The following TENT4B variants were observed in gnomAD, a reference collection of about 807,000 sequenced individuals.
The protein encoded by TENT4B is terminal nucleotidyltransferase 4B.
In TENT4B, 10 loss-of-function variants were observed where a neutral mutation model predicts 75.0. The ratio of observed to expected loss-of-function variants is 0.13; its 90% CI spans 0.08 to 0.23. The LOEUF (loss-of-function observed/expected upper bound fraction) is 0.23. TENT4B is among the 10% of genes least tolerant of loss of function. The pLI is 1.00. For synonymous variants in TENT4B, 350 were observed against 357.7 expected (o/e 0.98, Z 0.24); for missense variants, 579 against 893.8 (o/e 0.65, Z 4.49).
intron 1 of TENT4B, among the ~76,000 whole-genome samples, chr16:50,177,929 T>G (rs1392735916): frequency 6.6e-6 from 1 of 152,134 alleles, no homozygotes; most frequent in African/African-American, 2.4e-5. Flanking sequence ...TATTTTCATT[T>G]TCATTTAGTT....
At chr16:50,158,965 A>T (rs2150665817) in intron 1 of TENT4B, among the ~76,000 whole-genome samples, 1 of 152,294 alleles carries the variant, frequency 6.6e-6, no homozygotes, top group East Asian at 1.9e-4. Context: ...GTTTTTGGAA[A>T]TAAGGGCCAG....
At chr16:50,196,935 CAA>C (rs35266966) in intron 1 of TENT4B, among the ~76,000 whole-genome samples, 2 of 138,248 alleles carry the variant, frequency 1.4e-5, no homozygotes. Context: ...AACCCTGTCT[CAA>C]AAAAAAAAAA....
At chr16:50,180,837 AC>A (rs1689674478) in intron 1 of TENT4B, among the ~76,000 whole-genome samples, 1 of 152,122 alleles carries the variant, frequency 6.6e-6, no homozygotes, top group African/African-American at 2.4e-5. Context: ...GGTCTAAGGG[AC>A]CCCATTGCTG....
chr16:50,153,124 G>A (rs1215507942), upstream of TENT4B: 78 of 991,262 alleles, frequency 7.9e-5, no homozygotes, highest in Non-Finnish European at 9.0e-5. Flanking sequence ...GCACGGCGAG[G>A]CCTCCCGGGC....
In TENT4B at chr16:50,184,812, C is replaced by T. The variant is rs143249959; in HGVS notation, c.639-26511C>T. Among the ~76,000 whole-genome samples, 3 of 152,196 alleles carry T rather than the reference C, an allele frequency of 2.0e-5. No homozygotes were observed. The East Asian group carries it at 5.8e-4, about 29-fold the overall frequency. ...TGTAGTAGGCTTACTGCAGCCTCCT[C>T]CGCCCCCTGGTTCTAGTGATTCTTG... On this transcript the variant is annotated intron_variant, in intron 1 of 11. Coordinates refer to ENST00000561678, the MANE Select transcript of TENT4B (RefSeq NM_001365324.3).
In TENT4B at chr16:50,154,116, C is replaced by T. The variant is rs76347010; in HGVS notation, c.495C>T (p.Asn165=). Reference sequence around the variant, plus strand: ...GCAGCAACAAGAGGAAGCGCGACAACAAGGCCAGCACGTATGGACTCAACT... The same window carrying T: ...GCAGCAACAAGAGGAAGCGCGACAATAAGGCCAGCACGTATGGACTCAACT... ...SGSSNKRKRD[N]KASTYGLNYS... is the part of the protein sequence containing the mutation. Residue 165 remains asparagine, a synonymous_variant, in exon 1 of 12, where the codon AAC becomes AAT. Transcript: ENST00000561678. 4.6e-3 allele frequency: 7,050 copies of T among 1,529,402 alleles called. 339 individuals are homozygous for T. The East Asian group carries it at 0.12, about 27-fold the overall frequency. 94.7% of individuals were successfully genotyped at this position (1,529,402 alleles called of 1,614,324 possible).
chr16:50,164,744 A>G (rs1479337442), intron 1 of TENT4B, among the ~76,000 whole-genome samples: 3 of 152,100 alleles, frequency 2.0e-5, no homozygotes, highest in Admixed American at 1.3e-4. Flanking sequence ...GACTTAAAAA[A>G]AAAGGTTTTA....
chr16:50,187,312 G>A (rs898736896), intron 1 of TENT4B, among the ~76,000 whole-genome samples: 2 of 152,250 alleles, frequency 1.3e-5, no homozygotes, highest in Non-Finnish European at 2.9e-5. Context: ...TCTGGGCGCA[G>A]TGGCTCACGC....
chr16:50,216,301 T>A, intron 4 of TENT4B, 106 bp downstream of exon 4: 2 of 1,385,950 alleles, frequency 1.4e-6, no homozygotes, highest in Non-Finnish European at 2.0e-6. Flanking sequence ...TGAGTGATTC[T>A]TTCATTTTGT....
At chr16:50,159,200 TTCTCTC>T (rs999518983) in intron 1 of TENT4B, among the ~76,000 whole-genome samples, 1 of 150,882 alleles carries the variant, frequency 6.6e-6, no homozygotes, top group Non-Finnish European at 1.5e-5. Flanking sequence ...CTGCTTCTCT[TTCTCTC>T]TCTCTCTCGC....
intron 1 of TENT4B, among the ~76,000 whole-genome samples, chr16:50,189,089 C>T (rs548137305): frequency 4.6e-5 from 7 of 152,206 alleles, no homozygotes; most frequent in Admixed American, 1.3e-4. Flanking sequence ...TCCATTGTAA[C>T]TTCAGCTTTT....
intron 1 of TENT4B, among the ~76,000 whole-genome samples, chr16:50,184,598 C>T (rs567594447): frequency 2.6e-5 from 4 of 151,942 alleles, no homozygotes; most frequent in East Asian, 1.9e-4. Flanking sequence ...ACCCGGGAGG[C>T]GGAGCTGGCA....
rs147123926 is a variant in TENT4B at position 50,162,419 on chromosome 16, T to A, written c.638+8160T>A. Among the ~76,000 whole-genome samples the A allele has an allele frequency of 2.3e-3, 343 of 152,360 alleles. 1 individual carries two copies. Among genetic ancestry groups the A allele is most frequent in the African/African-American group, 7.9e-3 (327 of 41,592 alleles). On this transcript the variant is annotated intron_variant, in intron 1 of 11. Transcript: ENST00000561678. ...TCTAGAATGACTATATCCTCTTATA[T>A]TCCTATCAACAATATATGAGATATC...
rs369320897 is a variant in TENT4B at position 50,177,737 on chromosome 16, G to T, written c.638+23478G>T. On this transcript the variant is annotated intron_variant, in intron 1 of 11. Coordinates refer to ENST00000561678, the MANE Select transcript of TENT4B (RefSeq NM_001365324.3). ...TTTGTTTTCAATTTAATTGATTTCTGCTCTAATTGGTTTTCTTCTGCTCAC... is the reference window on the plus strand; with the variant it reads ...TTTGTTTTCAATTTAATTGATTTCTTCTCTAATTGGTTTTCTTCTGCTCAC... Among the ~76,000 whole-genome samples, 4 of 151,650 alleles carry T rather than the reference G, an allele frequency of 2.6e-5. No homozygotes were observed. In the South Asian group the frequency reaches 6.3e-4, roughly 24 times the overall value.
chr16:50,206,888 C>G (rs2031006579), intron 1 of TENT4B, among the ~76,000 whole-genome samples: 1 of 141,120 alleles, frequency 7.1e-6, no homozygotes, highest in Admixed American at 7.5e-5. Flanking sequence ...TGTAGCAGAT[C>G]TTTCCTCAGA....
chr16:50,205,142 C>T (rs996150980), intron 1 of TENT4B, among the ~76,000 whole-genome samples: 1 of 152,090 alleles, frequency 6.6e-6, no homozygotes, highest in Non-Finnish European at 1.5e-5. Flanking sequence ...TAAAATGACC[C>T]CCCCAGTCCC....
At chr16:50,185,714 C>T (rs1300603796) in intron 1 of TENT4B, among the ~76,000 whole-genome samples, 1 of 151,788 alleles carries the variant, frequency 6.6e-6, no homozygotes, top group Non-Finnish European at 1.5e-5. Flanking sequence ...CCTTTATTCC[C>T]TCCTTCCTTC....
chr16:50,225,692 T>G (rs935309082), intron 10 of TENT4B, among the ~76,000 whole-genome samples: 11 of 151,962 alleles, frequency 7.2e-5, no homozygotes, highest in Non-Finnish European at 1.2e-4. Context: ...TTTCCTTTTT[T>G]TTTTTTTTGA....
chr16:50,222,916 G>A (rs2031894105), intron 6 of TENT4B, among the ~76,000 whole-genome samples: 1 of 152,078 alleles, frequency 6.6e-6, no homozygotes, highest in Non-Finnish European at 1.5e-5. Context: ...GATGTGTTGG[G>A]CCAAGCCAGC....
Sources: allele counts gnomAD v4.1 joint callset (sites outside exome capture counted in the v4.1 genomes callset), GRCh38; gene constraint gnomAD v4.1.1; transcripts MANE v1.5; gene names NCBI Gene and HGNC (gene_info 2026-07-23, HGNC 2026-07-21).